Variants in VPS35L observed in about 807,000 individuals in gnomAD.
The protein encoded by VPS35L is VPS35 endosomal protein sorting factor like.
Under a neutral mutation model 133.0 loss-of-function variants are expected in VPS35L, and 83 were observed. The observed-to-expected ratio is 0.62, with a 90% CI of 0.52 to 0.75. The LOEUF is 0.75. Among genes scored for constraint, VPS35L ranks in the 30% least tolerant of loss-of-function variants. The pLI is 0.00. For synonymous variants in VPS35L, 423 were observed against 449.9 expected (o/e 0.94, Z 0.76); for missense variants, 1,083 against 1,206.8 (o/e 0.90, Z 1.52).
chr16:19,588,187 G>GTATGTATGTATT (rs1555498177), intron 7 of VPS35L, among the ~76,000 whole-genome samples: 29 of 149,972 alleles, frequency 1.9e-4, no homozygotes, highest in African/African-American at 4.2e-4. Context: ...ATGTATGTAT[G>GTATGTATGTATT]TATTTATTTA....
chr16:19,653,279 C>T (rs1974191925), intron 26 of VPS35L, among the ~76,000 whole-genome samples: 2 of 152,194 alleles, frequency 1.3e-5, no homozygotes, highest in Admixed American at 1.3e-4. Flanking sequence ...CGCCAAGGGC[C>T]TGCAGGCAGG....
intron 3 of VPS35L, among the ~76,000 whole-genome samples, chr16:19,570,328 A>C (rs886650411): frequency 6.6e-6 from 1 of 152,094 alleles, no homozygotes; most frequent in Non-Finnish European, 1.5e-5. Context: ...CTCCCAAAGC[A>C]CTGGGATTAC....
At position 19,629,781 on chromosome 16, in the gene VPS35L, T is replaced by G. The variant is rs1333652340; in HGVS notation, c.1515T>G (p.Cys505Trp). 6.2e-7 allele frequency: 1 copy of G among 1,613,928 alleles called. No individual in the cohort carries two copies. Among genetic ancestry groups the G allele is most frequent in the East Asian group, 2.2e-5 (1 of 44,874 alleles). ...TCTCTTTGTAGGACTACATTAATTGTGCCGAAGTGTGGGTGGAATACACCT... is the reference window on the plus strand; with the variant it reads ...TCTCTTTGTAGGACTACATTAATTGGGCCGAAGTGTGGGTGGAATACACCT... ...KLKNPQDYIN[C>W]AEVWVEYTCK... The change falls in exon 18 of 31, where the codon TGT becomes TGG. Residue 505 changes from cysteine (C) to tryptophan (W), a missense_variant. Transcript: ENST00000417362.
chr16:19,614,138 G>T (rs1342935799), intron 12 of VPS35L, among the ~76,000 whole-genome samples: 2 of 152,174 alleles, frequency 1.3e-5, no homozygotes, highest in Non-Finnish European at 2.9e-5. Context: ...AGCCTTTGCT[G>T]TCACCTAACA....
At chr16:19,604,493 T>G (rs904039924) in intron 9 of VPS35L, among the ~76,000 whole-genome samples, 5 of 151,482 alleles carry the variant, frequency 3.3e-5, no homozygotes, top group African/African-American at 1.2e-4. Flanking sequence ...AATGATTTGG[T>G]TTTTTTTTCT....
At chr16:19,684,216 AC>A (rs1975381088) in intron 28 of VPS35L, among the ~76,000 whole-genome samples, 1 of 152,144 alleles carries the variant, frequency 6.6e-6, no homozygotes, top group African/African-American at 2.4e-5. Context: ...TCCTGGACTT[AC>A]CACAGGACAT....
chr16:19,639,434 G>A lies in VPS35L; in HGVS notation c.1699-581G>A, dbSNP rs149221291. On this transcript the variant is annotated intron_variant, in intron 20 of 30. Coordinates refer to ENST00000417362, the MANE Select transcript of VPS35L (RefSeq NM_020314.7). This position sits in a 1 kb window ranked among gnomAD's most constrained non-coding sequence, Gnocchi z 4.1. ...CCCAGAAAAGCTTGTGGTCATCAAA[G>A]GTTGCCTGGATGGCTCACCAAAATG... Among the ~76,000 whole-genome samples, 3,624 of 152,300 alleles carry A rather than the reference G, an allele frequency of 0.024. 86 individuals are homozygous for A. The highest frequency in any genetic ancestry group is 0.056 in the African/African-American group (2,332 of 41,548).
In VPS35L at chr16:19,639,551, AGAGTC is replaced by A. The variant is rs1468667057; in HGVS notation, c.1699-463_1699-459del. Among the ~76,000 whole-genome samples, 5 of 152,294 alleles carry A rather than the reference AGAGTC, an allele frequency of 3.3e-5. No homozygotes were observed. The East Asian group carries it at 9.6e-4, about 29-fold the overall frequency. ...TTGTTTGTTTGTTTATTTTTGAGAT[AGAGTC>A]TTGCTCTGTCACCCAGGCTAGAGTG... On this transcript the variant is annotated intron_variant, in intron 20 of 30. Transcript: ENST00000417362. The surrounding 1 kb of genome is among the most constrained non-coding windows in gnomAD (Gnocchi z 4.1).
chr16:19,644,987 T>G, intron 23 of VPS35L, 38 bp downstream of exon 23: 1 of 1,390,658 alleles, frequency 7.2e-7, no homozygotes, highest in Non-Finnish European at 1.0e-6. Context: ...CACTTGGAAG[T>G]GTGATGTAAT....
intron 28 of VPS35L, among the ~76,000 whole-genome samples, chr16:19,688,083 C>G (rs965699198): frequency 1.3e-5 from 2 of 151,020 alleles, no homozygotes; most frequent in African/African-American, 4.9e-5. Flanking sequence ...CACATCACCA[C>G]ATAGAGCTAA....
chr16:19,577,832 C>T (rs992387957), intron 5 of VPS35L, among the ~76,000 whole-genome samples: 3 of 152,188 alleles, frequency 2.0e-5, no homozygotes, highest in Admixed American at 6.5e-5. Flanking sequence ...CATCTATGAA[C>T]CCAACCGGAA....
chr16:19,652,179 A>G (rs1974152712), intron 26 of VPS35L, 89 bp downstream of exon 26: 2 of 953,716 alleles, frequency 2.1e-6, no homozygotes, highest in Non-Finnish European at 3.3e-6. Context: ...GAGAGAGACA[A>G]AGATTTCTTT....
Position 19,627,785 on chromosome 16 carries a change from G to A in VPS35L, c.1363G>A (p.Asp455Asn). The A allele has an allele frequency of 6.2e-7, 1 of 1,612,796 alleles. No homozygotes were observed. Among genetic ancestry groups the A allele is most frequent in the Non-Finnish European group, 8.5e-7 (1 of 1,178,768 alleles). The change falls in exon 16 of 31, where the codon GAT becomes AAT. Residue 455 changes from aspartate to asparagine, a missense_variant. By Grantham distance (23) the Asp-to-Asn change is conservative (BLOSUM62 1). Coordinates refer to ENST00000417362, the MANE Select transcript of VPS35L (RefSeq NM_020314.7). ...TTTCATTGGCATGATTAAAGAGTGTGATGAATCTGGTTTCCCCAAGGTAGG... is the reference window on the plus strand; with the variant it reads ...TTTCATTGGCATGATTAAAGAGTGTAATGAATCTGGTTTCCCCAAGGTAGG... Reference protein sequence around the residue: ...MDFIGMIKECDESGFPKHLLF... With the variant: ...MDFIGMIKECNESGFPKHLLF...
At chr16:19,672,630 G>C (rs769475692) in intron 27 of VPS35L, among the ~76,000 whole-genome samples, 2 of 152,268 alleles carry the variant, frequency 1.3e-5, no homozygotes, top group Non-Finnish European at 2.9e-5. Context: ...CAGGATGGGG[G>C]CCTCTTGTTG....
chr16:19,575,430 G>T (rs1048844938), intron 5 of VPS35L, among the ~76,000 whole-genome samples: 2 of 151,934 alleles, frequency 1.3e-5, no homozygotes, highest in African/African-American at 4.8e-5. Flanking sequence ...GCTGGGCGTG[G>T]TGGCGCACGC....
intron 14 of VPS35L, 34 bp downstream of exon 14, chr16:19,616,842 C>A: frequency 6.2e-7 from 1 of 1,614,056 alleles, no homozygotes; most frequent in Non-Finnish European, 8.5e-7. Context: ...TGACGCTCAC[C>A]TCCTGTATGG....
At chr16:19,590,139 G>GCCCCC (rs140785517) in intron 7 of VPS35L, among the ~76,000 whole-genome samples, 1 of 63,456 alleles carries the variant, frequency 1.6e-5, no homozygotes, top group Non-Finnish European at 3.3e-5. Flanking sequence ...TTCCCGCCCC[G>GCCCCC]CCCCCCCCCC....
In VPS35L at chr16:19,610,346, G is replaced by A. The variant is rs766383921; in HGVS notation, c.954G>A (p.Arg318=). ...SKTGISECLP[R]LTCMIRGIGD... is the part of the protein sequence containing the mutation. ...GGGGAATTTCAGAGTGCCTGCCCCG[G>A]TTGACATGCATGATCAGAGGGATCG... The change falls in exon 12 of 31, where the codon CGG becomes CGA. Residue 318 remains arginine (R), a synonymous_variant. Coordinates refer to ENST00000417362, the MANE Select transcript of VPS35L (RefSeq NM_020314.7). The A allele has an allele frequency of 6.2e-7, 1 of 1,614,080 alleles. No individual in the cohort carries two copies. The highest frequency in any genetic ancestry group is 8.5e-7 in the Non-Finnish European group (1 of 1,180,020).
rs534590661 is a variant in VPS35L, at chr16:19,638,282, C to T, written c.1698+626C>T. Among the ~76,000 whole-genome samples the T allele has an allele frequency of 3.3e-5, 5 of 152,244 alleles. No homozygotes were observed. The East Asian group carries it at 5.8e-4, about 18-fold the overall frequency. ...TTAATCATAGCAGCTAATATTTATTCGACATATACCACACTCCAAGCACTG... is the reference window on the plus strand; with the variant it reads ...TTAATCATAGCAGCTAATATTTATTTGACATATACCACACTCCAAGCACTG... On this transcript the variant is annotated intron_variant, in intron 20 of 30. Coordinates refer to ENST00000417362, the MANE Select transcript of VPS35L (RefSeq NM_020314.7).
Sources: allele counts gnomAD v4.1 joint callset (sites outside exome capture counted in the v4.1 genomes callset), GRCh38; gene constraint gnomAD v4.1.1; non-coding constraint Gnocchi (gnomAD v3.1); transcripts MANE v1.5; gene names NCBI Gene and HGNC (gene_info 2026-07-23, HGNC 2026-07-21).